SLC71A2: variants seen among roughly 807,000 people sequenced by gnomAD.
SLC71A2 encodes hippocampus abundant transcript-like 1.
the SLC71A2 span, among the ~76,000 whole-genome samples, chr9:94,437,625 T>C: frequency 6.6e-6 from 1 of 151,744 alleles, no homozygotes; most frequent in South Asian, 2.1e-4. Flanking sequence ...ATTAAGCATA[T>C]GTACACTCCT....
chr9:94,392,852 C>T, the SLC71A2 span, among the ~76,000 whole-genome samples: 1 of 151,360 alleles, frequency 6.6e-6, no homozygotes, highest in African/African-American at 2.4e-5. Flanking sequence ...TATTTCCTCC[C>T]AATTAAGGCA....
chr9:94,379,388 T>C, the SLC71A2 span, among the ~76,000 whole-genome samples: 1 of 92,700 alleles, frequency 1.1e-5, no homozygotes, highest in Non-Finnish European at 2.8e-5. Flanking sequence ...GCCTGGCCCT[T>C]TTTTTTTTTT....
At chr9:94,405,911 T>A in the SLC71A2 span, among the ~76,000 whole-genome samples, 4 of 150,020 alleles carry the variant, frequency 2.7e-5, no homozygotes, top group Non-Finnish European at 4.5e-5. Context: ...ATATTAAATC[T>A]TTAAATCCAT....
At chr9:94,446,374 T>C in the SLC71A2 span, among the ~76,000 whole-genome samples, 25 of 152,346 alleles carry the variant, frequency 1.6e-4, no homozygotes, top group South Asian at 6.2e-4. Flanking sequence ...CTACCAGATA[T>C]AAAAGTTGAA....
At chr9:94,407,593 G>A in the SLC71A2 span, among the ~76,000 whole-genome samples, 2 of 152,192 alleles carry the variant, frequency 1.3e-5, no homozygotes, top group East Asian at 3.9e-4. Flanking sequence ...TGGCCAGGCT[G>A]GTGTCGAACT....
At chr9:94,416,583 G>A in the SLC71A2 span, among the ~76,000 whole-genome samples, 13 of 152,216 alleles carry the variant, frequency 8.5e-5, no homozygotes, top group African/African-American at 2.9e-4. Flanking sequence ...GGCCTGGTGC[G>A]GTGGCTCACG....
chr9:94,435,626 T>TTATTCCGA, the SLC71A2 span, among the ~76,000 whole-genome samples: 1 of 150,438 alleles, frequency 6.6e-6, no homozygotes, highest in Non-Finnish European at 1.5e-5. Flanking sequence ...TCCACCAGAA[T>TTATTCCGA]TATTCCGAAC....
chr9:94,446,387 T>G, the SLC71A2 span, among the ~76,000 whole-genome samples: 1 of 152,242 alleles, frequency 6.6e-6, no homozygotes, highest in African/African-American at 2.4e-5. Context: ...AAGTTGAACA[T>G]GAACACTTTG....
chr9:94,406,882 A>T, the SLC71A2 span, among the ~76,000 whole-genome samples: 1 of 152,106 alleles, frequency 6.6e-6, no homozygotes, highest in Non-Finnish European at 1.5e-5. Context: ...TCCAGTTTGG[A>T]TGCCATTTCT....
the SLC71A2 span, among the ~76,000 whole-genome samples, chr9:94,386,368 G>T: frequency 6.6e-6 from 1 of 151,102 alleles, no homozygotes; most frequent in Admixed American, 6.6e-5. Flanking sequence ...CACTACTCAG[G>T]CAAGGTTTTC....
At chr9:94,386,267 C>CCT in the SLC71A2 span, among the ~76,000 whole-genome samples, 1 of 138,648 alleles carries the variant, frequency 7.2e-6, no homozygotes, top group Admixed American at 7.3e-5. Flanking sequence ...TAGAACATAT[C>CCT]GTGTTTGTAT....
chr9:94,440,492 T>C, the SLC71A2 span, among the ~76,000 whole-genome samples: 2 of 151,970 alleles, frequency 1.3e-5, no homozygotes, highest in African/African-American at 2.4e-5. Context: ...AACCCCACTT[T>C]TTGTTCTATA....
chr9:94,429,553 A>T, the SLC71A2 span, among the ~76,000 whole-genome samples: 1 of 151,954 alleles, frequency 6.6e-6, no homozygotes, highest in Non-Finnish European at 1.5e-5. Context: ...CTATCAACAG[A>T]ATAAAGTGGG....
At chr9:94,434,437 C>G in the SLC71A2 span, among the ~76,000 whole-genome samples, 1 of 152,180 alleles carries the variant, frequency 6.6e-6, no homozygotes, top group Non-Finnish European at 1.5e-5. Context: ...CTGCCTCAGA[C>G]TCCCAAGTAG....
the SLC71A2 span, among the ~76,000 whole-genome samples, chr9:94,446,331 G>C: frequency 6.6e-6 from 1 of 152,228 alleles, no homozygotes; most frequent in African/African-American, 2.4e-5. Context: ...GTTCTTACCA[G>C]TTTGACCTTA....
chr9:94,400,509 G>GA, the SLC71A2 span, among the ~76,000 whole-genome samples: 70,550 of 129,770 alleles, frequency 0.54, 17,838 homozygotes, highest in South Asian at 0.65. Flanking sequence ...AGTCTTAAAG[G>GA]AAAAAAAAAA....
the SLC71A2 span, among the ~76,000 whole-genome samples, chr9:94,419,298 CT>C: frequency 0.19 from 25,736 of 132,456 alleles, 2,210 homozygotes; most frequent in African/African-American, 0.27. Context: ...ACTTTTTTTT[CT>C]TTTTTTTTTT....
At chr9:94,438,974 A>G in the SLC71A2 span, among the ~76,000 whole-genome samples, 1 of 151,244 alleles carries the variant, frequency 6.6e-6, no homozygotes, top group Non-Finnish European at 1.5e-5. Flanking sequence ...AAAATATACC[A>G]TAATAAGGCT....
At chr9:94,438,644 T>A in the SLC71A2 span, 2 of 1,136,248 alleles carry the variant, frequency 1.8e-6, no homozygotes, top group Non-Finnish European at 2.5e-6. Context: ...GTGTTTTCAT[T>A]TGATCTCTCT....
Sources: gnomAD v4.1 joint callset for allele counts (sites outside exome capture counted in the v4.1 genomes callset) on GRCh38, gnomAD v4.1.1 for gene constraint, MANE v1.5 for transcripts, NCBI Gene and HGNC (gene_info 2026-07-23, HGNC 2026-07-21) for gene names.